Variants in RHEB observed in about 807,000 individuals in gnomAD.
RHEB encodes GTP-binding protein Rheb.
In RHEB, 2 loss-of-function variants were observed where a neutral mutation model predicts 28.8. The observed-to-expected ratio is 0.07, with a 90% CI of 0.03 to 0.22. RHEB has a LOEUF of 0.22. RHEB is among the 10% of genes least tolerant of loss of function. RHEB has a pLI of 1.00. For synonymous variants in RHEB, 69 were observed against 77.3 expected (o/e 0.89, Z 0.56); for missense variants, 76 against 219.9 (o/e 0.35, Z 4.14).
chr7:151,501,935 C>A, intron 1 of RHEB: 1 of 720,346 alleles, frequency 1.4e-6, no homozygotes, highest in South Asian at 1.4e-5. Context: ...GATCAAGAAG[C>A]TCATTAAGAG....
intron 1 of RHEB, among the ~76,000 whole-genome samples, chr7:151,500,422 GAC>G (rs1382566422): frequency 6.6e-6 from 1 of 152,176 alleles, no homozygotes; most frequent in African/African-American, 2.4e-5. Context: ...CATAAGGACA[GAC>G]ACAGATTAAT....
At chr7:151,477,587 T>A (rs1053134160) in intron 3 of RHEB, among the ~76,000 whole-genome samples, 172 bp from the exon 4 acceptor site, 4 of 152,154 alleles carry the variant, frequency 2.6e-5, no homozygotes, top group African/African-American at 9.7e-5. Flanking sequence ...CTGGAGGTGA[T>A]AATGTGGTTC....
chr7:151,509,569 T>C (rs1802947500), intron 1 of RHEB, among the ~76,000 whole-genome samples: 1 of 152,142 alleles, frequency 6.6e-6, no homozygotes. Flanking sequence ...CTTCATCTCA[T>C]CTACTCTGCG....
chr7:151,502,630 G>C (rs1802793127), intron 1 of RHEB: 1 of 1,586,566 alleles, frequency 6.3e-7, no homozygotes, highest in African/African-American at 1.3e-5. Flanking sequence ...TGGATTCATT[G>C]TAATAGATGG....
rs1802075795 is a variant in RHEB at position 151,467,043 on chromosome 7, T to C, written c.*76A>G. On this transcript the variant is annotated 3_prime_UTR_variant, in exon 8 of 8. Transcript: ENST00000262187. ...TAACAGAAGAAAAAAGAAGCATAGT[T>C]TATCTTCAAGGAGAACGGGCAGTTT... 1.9e-6 allele frequency: 2 copies of C among 1,061,664 alleles called. No homozygotes were observed. Among genetic ancestry groups the C allele is most frequent in the Admixed American group, 1.8e-5 (1 of 55,794 alleles). 65.8% of individuals were successfully genotyped at this position (1,061,664 alleles called of 1,614,324 possible). A position where few individuals can be genotyped will look rare whatever the true frequency, so the allele number is the denominator to read the frequency against.
chr7:151,502,843 T>TG lies in RHEB; in HGVS notation c.53-11830dup, dbSNP rs1449516652. The TG allele has an allele frequency of 7.5e-5, 78 of 1,046,452 alleles. No individual in the cohort carries two copies. In the African/African-American group the frequency reaches 1.1e-3, roughly 15 times the overall value. The allele number at this position is 1,046,452 out of a possible 1,614,324, so 64.8% of individuals were successfully genotyped here. The stretch of plus-strand genomic sequence containing the variant: ...TGAATGTGGCTGGTCTAGTTTTAGC[T>TG]GGATCTGCTGACTTTGAACTAAGTC... On this transcript the variant is annotated intron_variant, in intron 1 of 7. Coordinates refer to ENST00000262187, the MANE Select transcript of RHEB (RefSeq NM_005614.4).
chr7:151,504,267 T>C lies in RHEB; in HGVS notation c.53-13253A>G, dbSNP rs547704797. On this transcript the variant is annotated intron_variant, in intron 1 of 7. Transcript: ENST00000262187. ...CAGTTTGGGTTGGATATGATGGGGC[T>C]TCTGTGCTATTGCTGGGATTGGGGG... is the stretch of plus-strand genomic sequence containing the variant. Among the ~76,000 whole-genome samples, 4 of 152,244 alleles carry C rather than the reference T, an allele frequency of 2.6e-5. No homozygotes were observed. The East Asian group carries it at 7.7e-4, about 29-fold the overall frequency.
chr7:151,495,224 G>A (rs1208532799), intron 1 of RHEB, among the ~76,000 whole-genome samples: 3 of 152,150 alleles, frequency 2.0e-5, no homozygotes, highest in Non-Finnish European at 4.4e-5. Flanking sequence ...AATGTTACAT[G>A]AAAACTACAC....
Position 151,514,758 on chromosome 7 carries a change from G to A in RHEB, c.52+4702C>T, listed in dbSNP as rs1029531705. Among the ~76,000 whole-genome samples, 5 of 152,132 alleles carry A rather than the reference G, an allele frequency of 3.3e-5. 1 individual carries two copies. In the South Asian group the frequency reaches 1.0e-3, roughly 32 times the overall value. On this transcript the variant is annotated intron_variant, in intron 1 of 7. Coordinates refer to ENST00000262187, the MANE Select transcript of RHEB (RefSeq NM_005614.4). ...TTATTCATAGTAGCCAGAAAGTAGA[G>A]CTCCAAGTGGTGTCTCACACCTGTA...
intron 1 of RHEB, among the ~76,000 whole-genome samples, chr7:151,517,675 A>G (rs1430413549): frequency 1.3e-5 from 2 of 150,362 alleles, no homozygotes; most frequent in Admixed American, 6.6e-5. Flanking sequence ...ACTGGACATA[A>G]GGAACTTCTG....
intron 1 of RHEB, among the ~76,000 whole-genome samples, chr7:151,498,931 T>C (rs980114760): frequency 6.6e-6 from 1 of 152,240 alleles, no homozygotes; most frequent in Non-Finnish European, 1.5e-5. Flanking sequence ...GACTATGGAT[T>C]AATTCATTCA....
intron 2 of RHEB, 81 bp from the exon 3 acceptor site, chr7:151,484,885 C>A (rs1429244767): frequency 2.2e-6 from 2 of 906,312 alleles, no homozygotes; most frequent in Non-Finnish European, 3.6e-6. Context: ...GACAACCAAT[C>A]AAGCACAGAG....
intron 1 of RHEB, chr7:151,503,052 G>C: frequency 1.3e-6 from 1 of 790,436 alleles, no homozygotes; most frequent in South Asian, 1.3e-5. Context: ...CAGGACACGC[G>C]AAAGTACTGT....
rs889528095 is a variant in RHEB, at chr7:151,472,217, A to C, written c.276-612T>G. The C allele has an allele frequency of 6.6e-6, 1 of 152,274 alleles. No individual in the cohort carries two copies. Among genetic ancestry groups the C allele is most frequent in the East Asian group, 1.9e-4 (1 of 5,200 alleles). The allele number at this position is 152,274 out of a possible 1,614,324, so 9.4% of individuals were successfully genotyped here. On this transcript the variant is annotated intron_variant, in intron 4 of 7. Transcript: ENST00000262187. The surrounding 1 kb of genome is among the most constrained non-coding windows in gnomAD (Gnocchi z 5.2). The stretch of plus-strand genomic sequence containing the variant: ...AAAACCCATGCAAACATCTGCCAGC[A>C]CATCACTGGCTCTACTTTCAAATCC...
chr7:151,478,514 T>C (rs1584850638), intron 3 of RHEB, among the ~76,000 whole-genome samples: 1 of 152,274 alleles, frequency 6.6e-6, no homozygotes, highest in East Asian at 1.9e-4. Flanking sequence ...AAAGTTAAAA[T>C]TCTGTTTTCC....
intron 3 of RHEB, among the ~76,000 whole-genome samples, chr7:151,482,656 C>T (rs1802399131): frequency 6.6e-6 from 1 of 152,192 alleles, no homozygotes; most frequent in South Asian, 2.1e-4. Context: ...TTGATAGTGT[C>T]AGAGTCCCAC....
intron 1 of RHEB, chr7:151,497,975 T>C (rs758256999): frequency 4.1e-6 from 2 of 486,316 alleles, no homozygotes; most frequent in Non-Finnish European, 7.6e-6. Context: ...GCTCTCAGTG[T>C]TACAGGGAAC....
intron 1 of RHEB, among the ~76,000 whole-genome samples, chr7:151,507,402 T>C (rs1039604905): frequency 1.8e-5 from 2 of 110,008 alleles, no homozygotes; most frequent in Non-Finnish European, 4.0e-5. Context: ...CACACACACA[T>C]ATATATAGTG....
intron 1 of RHEB, among the ~76,000 whole-genome samples, chr7:151,495,772 A>G (rs1242486964): frequency 6.6e-6 from 1 of 152,158 alleles, no homozygotes; most frequent in Non-Finnish European, 1.5e-5. Context: ...ACAACGTGAT[A>G]AAACCCTATC....
Sources: gnomAD v4.1 joint callset for allele counts (sites outside exome capture counted in the v4.1 genomes callset) on GRCh38, gnomAD v4.1.1 for gene constraint, Gnocchi (gnomAD v3.1) non-coding constraint, MANE v1.5 for transcripts, NCBI Gene and HGNC (gene_info 2026-07-23, HGNC 2026-07-21) for gene names.